ARL15: variants seen among roughly 807,000 people sequenced by gnomAD.
ARL15 encodes ARF like GTPase 15.
ARL15 carries 19 observed loss-of-function variants against 25.2 expected under a neutral mutation model. The observed-to-expected ratio is 0.75, with a 90% CI of 0.53 to 1.10. The LOEUF is 1.10. Ranked by LOEUF, ARL15 falls within the 50% of genes least tolerant of loss-of-function variation. The pLI is 0.00. For missense variants in ARL15, 220 were observed against 246.0 expected, an observed-to-expected ratio of 0.89 and a Z score of 0.71; for synonymous variants, 94 against 86.8, an observed-to-expected ratio of 1.08 and a Z score of -0.46.
intron 1 of ARL15, among the ~76,000 whole-genome samples, chr5:54,239,397 T>C (rs1199896424): frequency 6.6e-6 from 1 of 152,208 alleles, no homozygotes; most frequent in Middle Eastern, 3.2e-3. Context: ...GTAGCTAAGA[T>C]GATACACTTA....
At chr5:54,279,218 T>C (rs1288211728) in intron 1 of ARL15, among the ~76,000 whole-genome samples, 1 of 150,732 alleles carries the variant, frequency 6.6e-6, no homozygotes, top group Non-Finnish European at 1.5e-5. Flanking sequence ...GTTTTTGTTT[T>C]TTTTTTTCTG....
chr5:54,011,168 T>C (rs1749230758), intron 4 of ARL15, among the ~76,000 whole-genome samples: 1 of 152,088 alleles, frequency 6.6e-6, no homozygotes, highest in South Asian at 2.1e-4. Flanking sequence ...TGAAAATAAG[T>C]GTAGTTTCAC....
chr5:54,166,709 A>G (rs562510297), intron 2 of ARL15, among the ~76,000 whole-genome samples: 4 of 152,000 alleles, frequency 2.6e-5, no homozygotes, highest in Admixed American at 2.6e-4. Context: ...TTTCTCTCTC[A>G]GATTGTCTCT....
chr5:54,246,935 A>T (rs1363772861), intron 1 of ARL15, among the ~76,000 whole-genome samples: 1 of 152,164 alleles, frequency 6.6e-6, no homozygotes, highest in Non-Finnish European at 1.5e-5. Flanking sequence ...TAAAAAGCCC[A>T]GGATGGTCGG....
intron 4 of ARL15, among the ~76,000 whole-genome samples, chr5:53,991,988 C>T (rs1748518511): frequency 2.0e-5 from 3 of 152,194 alleles, no homozygotes; most frequent in Non-Finnish European, 4.4e-5. Context: ...GTACACCTTT[C>T]GGGTATGCAC....
intron 1 of ARL15, among the ~76,000 whole-genome samples, chr5:54,176,793 C>T (rs1754885851): frequency 6.6e-6 from 1 of 152,196 alleles, no homozygotes; most frequent in African/African-American, 2.4e-5. Context: ...ATACATCATG[C>T]TACTAAGAAA....
At chr5:53,976,634 A>G (rs977199451) in intron 4 of ARL15, among the ~76,000 whole-genome samples, 2 of 152,246 alleles carry the variant, frequency 1.3e-5, no homozygotes, top group Non-Finnish European at 2.9e-5. Context: ...TGGAGGCATC[A>G]TTCACTGATA....
chr5:54,301,187 T>C (rs1326971915), intron 1 of ARL15, among the ~76,000 whole-genome samples: 2 of 152,200 alleles, frequency 1.3e-5, no homozygotes, highest in Non-Finnish European at 2.9e-5. Context: ...CAAAATGTAA[T>C]TGTTTATTTT....
chr5:54,028,067 C>T (rs1273533097), intron 4 of ARL15, among the ~76,000 whole-genome samples: 1 of 151,878 alleles, frequency 6.6e-6, no homozygotes, highest in East Asian at 1.9e-4. Flanking sequence ...ATTACAGGCA[C>T]CCGCCACCAC....
chr5:54,012,360 G>A (rs1242643825), intron 4 of ARL15, among the ~76,000 whole-genome samples: 2 of 152,106 alleles, frequency 1.3e-5, no homozygotes, highest in Non-Finnish European at 2.9e-5. Context: ...ATCCCATGAA[G>A]TCTCTCAGTT....
At chr5:54,001,562 T>G (rs1018290121) in intron 4 of ARL15, among the ~76,000 whole-genome samples, 4 of 152,220 alleles carry the variant, frequency 2.6e-5, no homozygotes, top group Non-Finnish European at 5.9e-5. Flanking sequence ...CATTTCATAC[T>G]AATACAACAA....
At chr5:53,989,971 C>T (rs1235314696) in intron 4 of ARL15, among the ~76,000 whole-genome samples, 2 of 152,122 alleles carry the variant, frequency 1.3e-5, no homozygotes, top group Non-Finnish European at 2.9e-5. Flanking sequence ...CTGTGGCTCA[C>T]ACCTGTAATT....
At chr5:54,214,250 C>T (rs763288340) in intron 1 of ARL15, among the ~76,000 whole-genome samples, 16 of 152,194 alleles carry the variant, frequency 1.1e-4, no homozygotes, top group Admixed American at 2.0e-4. Flanking sequence ...AACTTTGCTA[C>T]AGCCACTGGA....
At chr5:53,978,168 A>G (rs1012587890) in intron 4 of ARL15, among the ~76,000 whole-genome samples, 11 of 152,232 alleles carry the variant, frequency 7.2e-5, no homozygotes, top group Non-Finnish European at 1.5e-4. Flanking sequence ...ATTGCTTAGT[A>G]TCTGTAGCCT....
chr5:54,032,041 A>G (rs1040986702), intron 4 of ARL15, among the ~76,000 whole-genome samples: 1 of 152,166 alleles, frequency 6.6e-6, no homozygotes, highest in Non-Finnish European at 1.5e-5. Context: ...CTAACAGAAA[A>G]TACATTTTCC....
intron 2 of ARL15, among the ~76,000 whole-genome samples, chr5:54,159,015 T>C (rs1266238434): frequency 6.6e-6 from 1 of 152,204 alleles, no homozygotes; most frequent in Non-Finnish European, 1.5e-5. Context: ...TAAATACTGG[T>C]AAAGTCAACT....
chr5:54,280,727 T>C (rs1426452077), intron 1 of ARL15, among the ~76,000 whole-genome samples: 2 of 152,254 alleles, frequency 1.3e-5, no homozygotes, highest in Admixed American at 6.5e-5. Flanking sequence ...GTAAACAAGA[T>C]TACTTCATGT....
chr5:53,908,046 C>T (rs1745329861), intron 4 of ARL15, among the ~76,000 whole-genome samples: 1 of 152,156 alleles, frequency 6.6e-6, no homozygotes, highest in Non-Finnish European at 1.5e-5. Context: ...ACAATAGTCC[C>T]CCTTTACATG....
intron 1 of ARL15, among the ~76,000 whole-genome samples, chr5:54,284,355 T>C (rs540869603): frequency 9.2e-5 from 14 of 152,288 alleles, no homozygotes; most frequent in African/African-American, 3.4e-4. Flanking sequence ...TCCACCTCCC[T>C]CGGCCTCCCA....
Sources: gnomAD v4.1 joint callset for allele counts (sites outside exome capture counted in the v4.1 genomes callset) on GRCh38, gnomAD v4.1.1 for gene constraint, MANE v1.5 for transcripts, NCBI Gene and HGNC (gene_info 2026-07-23, HGNC 2026-07-21) for gene names.